TRPV4: variants seen among roughly 807,000 people sequenced by gnomAD.
TRPV4 encodes the protein transient receptor potential cation channel subfamily V member 4.
TRPV4 carries 58 observed loss-of-function variants against 84.1 expected under a neutral mutation model. That is an observed-to-expected ratio of 0.69 (90% CI 0.56 to 0.86). The LOEUF (loss-of-function observed/expected upper bound fraction) is 0.86. Among genes scored for constraint, TRPV4 ranks in the 40% least tolerant of loss-of-function variants. TRPV4 has a pLI of 0.00. For synonymous variants in TRPV4, 489 were observed against 500.9 expected, an observed-to-expected ratio of 0.98 and a Z score of 0.32; for missense variants, 879 against 1,181.1, an observed-to-expected ratio of 0.74 and a Z score of 3.75.
rs771628950 is a variant in TRPV4 at position 109,793,479 on chromosome 12, A to G, written c.1658+48T>C. The G allele has an allele frequency of 2.6e-6, 4 of 1,540,578 alleles. No homozygotes were observed. In the Admixed American group the frequency reaches 5.0e-5, roughly 19 times the overall value. ...GAATCTGGACGACCTAGCAGCCCAA[A>G]CCCACCTTCCTCACCCAGAAGCTGC... On this transcript the variant is annotated intron_variant, in intron 10 of 15. Transcript: ENST00000261740. This position sits in a 1 kb window ranked among gnomAD's most constrained non-coding sequence, Gnocchi z 4.0.
In TRPV4 at chr12:109,798,056, G is replaced by A. The variant is rs949474681; in HGVS notation, c.1152+558C>T. Among the ~76,000 whole-genome samples, 10 of 152,216 alleles carry A rather than the reference G, an allele frequency of 6.6e-5. No individual in the cohort carries two copies. The highest frequency in any genetic ancestry group is 1.0e-4 in the Non-Finnish European group (7 of 68,046). ...AATCCAGCGATGGTGCCCCCCAGAG[G>A]ACAATTCAGCAATGTTCTGGAGATA... On this transcript the variant is annotated intron_variant, in intron 6 of 15. Transcript: ENST00000261740. This position sits in a 1 kb window ranked among gnomAD's most constrained non-coding sequence, Gnocchi z 5.0.
chr12:109,822,082 A>G (rs1301928504), intron 1 of TRPV4, among the ~76,000 whole-genome samples: 2 of 152,114 alleles, frequency 1.3e-5, no homozygotes, highest in Admixed American at 1.3e-4. Context: ...GAGGAGGAAG[A>G]TAAAGGGCAG....
intron 3 of TRPV4, among the ~76,000 whole-genome samples, chr12:109,807,591 G>A (rs60879438): frequency 0.12 from 17,511 of 151,984 alleles, 1,343 homozygotes; most frequent in African/African-American, 0.2. Flanking sequence ...GTGAGATCAC[G>A]GCCAGTTTAA....
chr12:109,818,824 G>A (rs1891972962), intron 1 of TRPV4, among the ~76,000 whole-genome samples: 2 of 152,128 alleles, frequency 1.3e-5, no homozygotes, highest in Admixed American at 1.3e-4. Flanking sequence ...ACACGTGCCA[G>A]CACTACAGCC....
intron 12 of TRPV4, among the ~76,000 whole-genome samples, chr12:109,791,610 G>A (rs866442703): frequency 1.5e-4 from 22 of 150,098 alleles, no homozygotes; most frequent in Middle Eastern, 3.5e-3. Flanking sequence ...AGCCTCCCGA[G>A]TAGCTGGGTC....
At chr12:109,792,322 G>C (rs779990757) in intron 12 of TRPV4, 41 bp downstream of exon 12, 1 of 1,584,250 alleles carries the variant, frequency 6.3e-7, no homozygotes, top group East Asian at 2.3e-5. Context: ...TCCCGTCCTT[G>C]CACCACCCCT....
At chr12:109,788,300 T>A in intron 13 of TRPV4, 100 bp downstream of exon 13, 1 of 1,167,714 alleles carries the variant, frequency 8.6e-7, no homozygotes, top group Non-Finnish European at 1.2e-6. Context: ...GAGAAGACAC[T>A]GCTTGCTCAG....
chr12:109,791,586 G>A (rs1398521324), intron 12 of TRPV4, among the ~76,000 whole-genome samples: 2 of 147,680 alleles, frequency 1.4e-5, no homozygotes, highest in Non-Finnish European at 3.0e-5. Flanking sequence ...GGGTTCAAGC[G>A]ATTCTTGTGC....
At position 109,796,389 on chromosome 12, in the gene TRPV4, T is replaced by A; in HGVS notation, c.1332+136A>T. On this transcript the variant is annotated intron_variant, in intron 7 of 15. Coordinates refer to ENST00000261740, the MANE Select transcript of TRPV4 (RefSeq NM_021625.5). The surrounding 1 kb of genome is among the most constrained non-coding windows in gnomAD (Gnocchi z 4.2). ...TGGGCACTTAGTTGGCACCTTCTCTTGCATTCAGCCAACAGACCCACCACG... is the reference window on the plus strand; with the variant it reads ...TGGGCACTTAGTTGGCACCTTCTCTAGCATTCAGCCAACAGACCCACCACG... 1.0e-6 allele frequency: 1 copy of A among 957,722 alleles called. No homozygotes were observed. Among genetic ancestry groups the A allele is most frequent in the Non-Finnish European group, 1.6e-6 (1 of 624,082 alleles). 59.3% of individuals were successfully genotyped at this position (957,722 alleles called of 1,614,324 possible).
chr12:109,809,369 A>ATCATCCATCCACCCAT (rs1891370979), intron 2 of TRPV4, among the ~76,000 whole-genome samples: 1 of 128,758 alleles, frequency 7.8e-6, no homozygotes, highest in South Asian at 2.7e-4. Flanking sequence ...CTACCCACCC[A>ATCATCCATCCACCCAT]TCATCCATCC....
chr12:109,825,604 G>A (rs1892231734), intron 1 of TRPV4, among the ~76,000 whole-genome samples: 1 of 152,138 alleles, frequency 6.6e-6, no homozygotes, highest in East Asian at 1.9e-4. Context: ...CTCACCTTTG[G>A]AAAGGGTTTC....
At chr12:109,824,474 G>T (rs1446218069) in intron 1 of TRPV4, among the ~76,000 whole-genome samples, 1 of 152,112 alleles carries the variant, frequency 6.6e-6, no homozygotes, top group African/African-American at 2.4e-5. Flanking sequence ...TTCTTAGTCC[G>T]GCCGGGCGCA....
At chr12:109,827,667 TACAC>T (rs1365813059) in intron 1 of TRPV4, among the ~76,000 whole-genome samples, 1 of 150,160 alleles carries the variant, frequency 6.7e-6, no homozygotes, top group Non-Finnish European at 1.5e-5. Flanking sequence ...TACACACACA[TACAC>T]ACATGCACAC....
chr12:109,794,389 G>A lies in TRPV4; in HGVS notation c.1431C>T (p.Ser477=), dbSNP rs567786988. 4.3e-6 allele frequency: 7 copies of A among 1,613,746 alleles called. No individual in the cohort carries two copies. Among genetic ancestry groups the A allele is most frequent in the Non-Finnish European group, 5.9e-6 (7 of 1,180,042 alleles). ...GAVSFYINVV[S]YLCAMVIFTL... is the part of the protein sequence containing the mutation. ...TGAAGATGACCATGGCACACAGGTA[G>A]GAGACCACGTTGATGTAGAAGGAGA... Residue 477 remains serine, a synonymous_variant, in exon 8 of 16, where the codon TCC becomes TCT. Coordinates refer to ENST00000261740, the MANE Select transcript of TRPV4 (RefSeq NM_021625.5).
At chr12:109,829,594 A>G (rs1892355893) in intron 1 of TRPV4, among the ~76,000 whole-genome samples, 1 of 152,248 alleles carries the variant, frequency 6.6e-6, no homozygotes, top group African/African-American at 2.4e-5. Flanking sequence ...ATGCCCTGGA[A>G]TGGGCCTGGG....
At chr12:109,809,346 T>TCCAC (rs1891368197) in intron 2 of TRPV4, among the ~76,000 whole-genome samples, 1 of 126,140 alleles carries the variant, frequency 7.9e-6, no homozygotes, top group South Asian at 3.1e-4. Context: ...CCACCCAGCA[T>TCCAC]CCACCCATCC....
rs571268422 is a variant in TRPV4, at chr12:109,832,767, G to A, written c.-32+583C>T. On this transcript the variant is annotated intron_variant, in intron 1 of 15. Transcript: ENST00000261740. ...TGTTTCCAGGCAAGCGGGGAGTGTG[G>A]GAGTCTCTCTCTCCCCCACCCCCAC... The A allele has an allele frequency of 6.3e-3, 955 of 152,090 alleles. 1 individual carries two copies. Among genetic ancestry groups the A allele is most frequent in the Non-Finnish European group, 8.6e-3 (583 of 68,078 alleles). The allele number at this position is 152,090 out of a possible 1,614,324, so 9.4% of individuals were successfully genotyped here. A position where few individuals can be genotyped will look rare whatever the true frequency, so the allele number is the denominator to read the frequency against.
At chr12:109,827,206 A>C (rs996317943) in intron 1 of TRPV4, among the ~76,000 whole-genome samples, 6 of 152,166 alleles carry the variant, frequency 3.9e-5, no homozygotes, top group Non-Finnish European at 8.8e-5. Context: ...CTGGCCTATA[A>C]GACCAACACC....
chr12:109,802,305 CTTT>C (rs548840636), intron 4 of TRPV4, among the ~76,000 whole-genome samples: 8 of 138,504 alleles, frequency 5.8e-5, no homozygotes, highest in African/African-American at 1.9e-4. Flanking sequence ...TTTTTTGCAT[CTTT>C]TTTTTTTTTT....
Sources: allele counts gnomAD v4.1 joint callset (sites outside exome capture counted in the v4.1 genomes callset), GRCh38; gene constraint gnomAD v4.1.1; non-coding constraint Gnocchi (gnomAD v3.1); transcripts MANE v1.5; gene names NCBI Gene and HGNC (gene_info 2026-07-23, HGNC 2026-07-21).